KIF6: variants seen among roughly 807,000 people sequenced by gnomAD.
KIF6 encodes the protein kinesin-like protein KIF6.
KIF6 carries 106 observed loss-of-function variants against 112.7 expected under a neutral mutation model. The ratio of observed to expected loss-of-function variants is 0.94; its 90% CI spans 0.80 to 1.11. KIF6 has a LOEUF of 1.11. Ranked by LOEUF, KIF6 falls within the 50% of genes least tolerant of loss-of-function variation. KIF6 has a pLI of 0.00. For missense variants in KIF6, 929 were observed against 964.0 expected, an observed-to-expected ratio of 0.96 and a Z score of 0.48; for synonymous variants, 339 against 339.9, an observed-to-expected ratio of 1.00 and a Z score of 0.03.
chr6:39,716,965 C>T (rs1185840022), intron 2 of KIF6, among the ~76,000 whole-genome samples: 3 of 152,168 alleles, frequency 2.0e-5, no homozygotes, highest in Admixed American at 2.0e-4. Context: ...GTGAGACCTT[C>T]ACAATATATC....
intron 13 of KIF6, among the ~76,000 whole-genome samples, chr6:39,528,339 C>T (rs903396106): frequency 5.3e-5 from 8 of 152,198 alleles, no homozygotes; most frequent in Non-Finnish European, 1.0e-4. Flanking sequence ...ATCTGTACCA[C>T]ATTTTCTTTA....
intron 13 of KIF6, among the ~76,000 whole-genome samples, chr6:39,522,055 C>T (rs1392743258): frequency 6.6e-6 from 1 of 151,740 alleles, no homozygotes; most frequent in Non-Finnish European, 1.5e-5. Context: ...TGCAGTTTAA[C>T]TCTCCCACAC....
chr6:39,666,243 A>G (rs1786455926), intron 3 of KIF6, among the ~76,000 whole-genome samples: 1 of 152,200 alleles, frequency 6.6e-6, no homozygotes, highest in South Asian at 2.1e-4. Context: ...ATCTGTCATT[A>G]TGGTTTGGCA....
At chr6:39,603,545 G>T (rs12191516) in intron 6 of KIF6, among the ~76,000 whole-genome samples, 23 of 150,788 alleles carry the variant, frequency 1.5e-4, no homozygotes, top group Non-Finnish European at 2.4e-4. Context: ...TTTTGTGGGG[G>T]GTGTGTGTGT....
chr6:39,610,874 T>C (rs939528113), intron 6 of KIF6, among the ~76,000 whole-genome samples: 9 of 152,178 alleles, frequency 5.9e-5, no homozygotes, highest in African/African-American at 2.2e-4. Flanking sequence ...ACTTGGTTTT[T>C]TAAATAAAAC....
At chr6:39,551,473 G>A (rs866292134) in intron 10 of KIF6, among the ~76,000 whole-genome samples, 8 of 152,088 alleles carry the variant, frequency 5.3e-5, no homozygotes, top group Admixed American at 1.3e-4. Flanking sequence ...TGTATATTTC[G>A]AAATAACTAA....
intron 2 of KIF6, among the ~76,000 whole-genome samples, chr6:39,716,219 T>C (rs1789839698): frequency 6.6e-6 from 1 of 152,218 alleles, no homozygotes; most frequent in Non-Finnish European, 1.5e-5. Context: ...AATTGATCTA[T>C]TCATTCCACA....
intron 15 of KIF6, among the ~76,000 whole-genome samples, chr6:39,401,117 C>T (rs1768667480): frequency 6.6e-6 from 1 of 152,258 alleles, no homozygotes; most frequent in South Asian, 2.1e-4. Flanking sequence ...AGATAAGTAT[C>T]TGAATGGCAA....
chr6:39,646,462 C>G (rs1029953064), intron 3 of KIF6, among the ~76,000 whole-genome samples: 1 of 152,112 alleles, frequency 6.6e-6, no homozygotes, highest in Non-Finnish European at 1.5e-5. Flanking sequence ...TAGACAGGAC[C>G]AGGTTGGACT....
chr6:39,415,240 C>T (rs1769819817), intron 15 of KIF6, among the ~76,000 whole-genome samples: 1 of 135,132 alleles, frequency 7.4e-6, no homozygotes, highest in African/African-American at 2.8e-5. Context: ...TACCATATTT[C>T]ATAGAATCTA....
chr6:39,417,532 A>C (rs74714229), intron 15 of KIF6, among the ~76,000 whole-genome samples: 2 of 152,218 alleles, frequency 1.3e-5, no homozygotes, highest in Non-Finnish European at 2.9e-5. Flanking sequence ...CCCTTTGAAC[A>C]TGAATTATAA....
At chr6:39,446,112 G>T (rs1772295863) in intron 13 of KIF6, among the ~76,000 whole-genome samples, 1 of 152,204 alleles carries the variant, frequency 6.6e-6, no homozygotes, top group Admixed American at 6.5e-5. Context: ...GGAGGCAGAA[G>T]CCATGGGTTG....
intron 3 of KIF6, among the ~76,000 whole-genome samples, chr6:39,707,788 T>C (rs77056639): frequency 0.027 from 4,094 of 152,320 alleles, 180 homozygotes; most frequent in African/African-American, 0.092. Context: ...GCACATTGTT[T>C]CTTTTCATCT....
At chr6:39,405,115 T>C (rs1025404546) in intron 15 of KIF6, among the ~76,000 whole-genome samples, 1 of 152,192 alleles carries the variant, frequency 6.6e-6, no homozygotes, top group Admixed American at 6.5e-5. Flanking sequence ...GGAGCTTTTC[T>C]GTAAATTCTT....
intron 14 of KIF6, among the ~76,000 whole-genome samples, chr6:39,424,867 A>G (rs1181430592): frequency 6.6e-6 from 1 of 152,228 alleles, no homozygotes; most frequent in African/African-American, 2.4e-5. Context: ...CTGCAAGTCA[A>G]TGGTCAAGGA....
chr6:39,679,452 A>C (rs1479141397), intron 3 of KIF6, among the ~76,000 whole-genome samples: 2 of 152,152 alleles, frequency 1.3e-5, no homozygotes, highest in African/African-American at 2.4e-5. Context: ...TCATCTGTCC[A>C]GTAGAATTTT....
In KIF6 at chr6:39,407,290, T is replaced by C. The variant is rs1769161505; in HGVS notation, c.1810+12658A>G. 2.6e-5 allele frequency among the ~76,000 whole-genome samples: 4 copies of C among 152,236 alleles called. No homozygotes were observed. The South Asian group carries it at 8.3e-4, about 31-fold the overall frequency. ...CATAAGCTTCAAAAATAGACCTGGCTTTGCTTTAGATTACTGATGCAGGCA... is the reference window on the plus strand; with the variant it reads ...CATAAGCTTCAAAAATAGACCTGGCCTTGCTTTAGATTACTGATGCAGGCA... On this transcript the variant is annotated intron_variant, in intron 15 of 22. Transcript: ENST00000287152.
chr6:39,494,590 A>C (rs1431507731), intron 13 of KIF6, among the ~76,000 whole-genome samples: 1 of 152,208 alleles, frequency 6.6e-6, no homozygotes, highest in Non-Finnish European at 1.5e-5. Context: ...GAATTCTGAA[A>C]TCTTTCTCTA....
In KIF6 at chr6:39,378,902, A is replaced by T. The variant is rs1766681205; in HGVS notation, c.1861+6720T>A. On this transcript the variant is annotated intron_variant, in intron 16 of 22. Transcript: ENST00000287152. This position sits in a 1 kb window ranked among gnomAD's most constrained non-coding sequence, Gnocchi z 5.0. ...GAAAGCTGAGTACCCGGATCCTATTATCTTGGCCGCTCACATAAACGCTTT... is the reference window on the plus strand; with the variant it reads ...GAAAGCTGAGTACCCGGATCCTATTTTCTTGGCCGCTCACATAAACGCTTT... Among the ~76,000 whole-genome samples the T allele has an allele frequency of 1.3e-5, 2 of 152,282 alleles. No homozygotes were observed. Among genetic ancestry groups the T allele is most frequent in the East Asian group, 1.9e-4 (1 of 5,192 alleles).
Sources: gnomAD v4.1 joint callset for allele counts (sites outside exome capture counted in the v4.1 genomes callset) on GRCh38, gnomAD v4.1.1 for gene constraint, Gnocchi (gnomAD v3.1) non-coding constraint, MANE v1.5 for transcripts, NCBI Gene and HGNC (gene_info 2026-07-23, HGNC 2026-07-21) for gene names.